The following SEPTIN9 variants were observed in gnomAD, a reference collection of about 807,000 sequenced individuals.
SEPTIN9 encodes the protein septin-9.
A neutral mutation model predicts 56.6 loss-of-function variants in SEPTIN9; 13 were observed. That is an observed-to-expected ratio of 0.23 (90% CI 0.15 to 0.37). SEPTIN9 has a LOEUF of 0.37. Ranked by LOEUF, SEPTIN9 falls within the 10% of genes least tolerant of loss-of-function variation. The probability of loss-of-function intolerance (pLI) is 1.00; values close to 1 mark genes in which losing one functional copy is unlikely to be tolerated. For synonymous variants in SEPTIN9, 332 were observed against 334.1 expected, an observed-to-expected ratio of 0.99 and a Z score of 0.07; for missense variants, 650 against 823.1, an observed-to-expected ratio of 0.79 and a Z score of 2.57.
At chr17:77,325,199 T>C (rs1359653840) in intron 2 of SEPTIN9, among the ~76,000 whole-genome samples, 1 of 152,226 alleles carries the variant, frequency 6.6e-6, no homozygotes, top group Non-Finnish European at 1.5e-5. Flanking sequence ...TGGCGCCATA[T>C]CCAAGAAATC....
Position 77,429,319 on chromosome 17 carries a change from C to T in SEPTIN9, c.721+26616C>T, listed in dbSNP as rs1173438060. 4 of 467,846 alleles carry T rather than the reference C, an allele frequency of 8.5e-6. No homozygotes were observed. The highest frequency in any genetic ancestry group is 7.0e-5 in the East Asian group (1 of 14,342). The allele number at this position is 467,846 out of a possible 1,614,324, so 29.0% of individuals were successfully genotyped here. On this transcript the variant is annotated intron_variant, in intron 3 of 11. Coordinates refer to ENST00000427177, the MANE Select transcript of SEPTIN9 (RefSeq NM_001113491.2). This position sits in a 1 kb window ranked among gnomAD's most constrained non-coding sequence, Gnocchi z 5.2. ...GCACGCAGGCCTCCTGCCCTCGCCA[C>T]GACTGGCTCCTGCAGCCCACCTGGC...
At chr17:77,395,898 T>C (rs1288475735) in intron 2 of SEPTIN9, among the ~76,000 whole-genome samples, 2 of 152,258 alleles carry the variant, frequency 1.3e-5, no homozygotes, top group Non-Finnish European at 2.9e-5. Context: ...TTAATGCTGA[T>C]GCAAATGTCC....
chr17:77,456,008 G>A lies in SEPTIN9; in HGVS notation c.722-26136G>A, dbSNP rs564761402. The stretch of plus-strand genomic sequence containing the variant: ...ACTGCCCTGGAAGATTCCCGGCACC[G>A]CTTCCCATGCGCCACGTGACTAGGA... On this transcript the variant is annotated intron_variant, in intron 3 of 11. Coordinates refer to ENST00000427177, the MANE Select transcript of SEPTIN9 (RefSeq NM_001113491.2). This position sits in a 1 kb window ranked among gnomAD's most constrained non-coding sequence, Gnocchi z 6.0. Among the ~76,000 whole-genome samples the A allele has an allele frequency of 1.3e-5, 2 of 152,180 alleles. No homozygotes were observed. The highest frequency in any genetic ancestry group is 2.4e-5 in the African/African-American group (1 of 41,442).
At chr17:77,311,296 T>C (rs2032482727) in intron 2 of SEPTIN9, among the ~76,000 whole-genome samples, 1 of 139,588 alleles carries the variant, frequency 7.2e-6, no homozygotes, top group South Asian at 2.4e-4. Context: ...ACCTCTGGCC[T>C]CCAGCATGGG....
chr17:77,417,662 G>A (rs1321744627), intron 3 of SEPTIN9, among the ~76,000 whole-genome samples: 1 of 152,210 alleles, frequency 6.6e-6, no homozygotes, highest in East Asian at 1.9e-4. Context: ...GACAAGGGCC[G>A]GTAAGTGGAA....
chr17:77,482,510 C>A (rs191901790), intron 4 of SEPTIN9, 175 bp downstream of exon 4: 2 of 742,860 alleles, frequency 2.7e-6, no homozygotes, highest in East Asian at 2.7e-5. Flanking sequence ...TGGGAGGAGC[C>A]CACAGCCTCC....
At chr17:77,440,453 C>A (rs902866294) in intron 3 of SEPTIN9, among the ~76,000 whole-genome samples, 1 of 152,216 alleles carries the variant, frequency 6.6e-6, no homozygotes, top group Admixed American at 6.5e-5. Flanking sequence ...CTGCACCTGG[C>A]TTTCGTATAT....
intron 2 of SEPTIN9, chr17:77,376,167 CA>C: frequency 1.0e-6 from 1 of 987,162 alleles, no homozygotes; most frequent in Non-Finnish European, 1.2e-6. Flanking sequence ...CAGCAGCCAG[CA>C]GCAGTGGGGG....
At chr17:77,481,044 G>A (rs888096697) in intron 3 of SEPTIN9, among the ~76,000 whole-genome samples, 3 of 152,212 alleles carry the variant, frequency 2.0e-5, no homozygotes, top group African/African-American at 4.8e-5. Flanking sequence ...TCTGAGGTGT[G>A]CTGGGACCTG....
chr17:77,363,170 G>T (rs1442746334), intron 2 of SEPTIN9, among the ~76,000 whole-genome samples: 1 of 152,210 alleles, frequency 6.6e-6, no homozygotes, highest in Non-Finnish European at 1.5e-5. Flanking sequence ...CCCACCAACA[G>T]CCGGGAGTCC....
chr17:77,308,313 T>G (rs1269002442), intron 2 of SEPTIN9, among the ~76,000 whole-genome samples: 1 of 152,214 alleles, frequency 6.6e-6, no homozygotes, highest in South Asian at 2.1e-4. Flanking sequence ...ATAGAGCGCC[T>G]GTGGACCAGG....
chr17:77,399,550 C>T (rs1483042530), intron 2 of SEPTIN9, among the ~76,000 whole-genome samples: 1 of 152,168 alleles, frequency 6.6e-6, no homozygotes, highest in African/African-American at 2.4e-5. Flanking sequence ...CTGGCATCAG[C>T]CCGATGTACA....
rs1264939402 is a variant in SEPTIN9 at position 77,499,661 on chromosome 17, T to G, written c.*1003T>G. ...CCAGGGAAGTGTGTGTGTGTCCATG[T>G]GTATGCGTGTCCGTCTGTCTGTCTA... On this transcript the variant is annotated 3_prime_UTR_variant, in exon 12 of 12. Transcript: ENST00000427177. 2.4e-6 allele frequency: 1 copy of G among 424,598 alleles called. No individual in the cohort carries two copies. The highest frequency in any genetic ancestry group is 2.0e-5 in the African/African-American group (1 of 50,358). The allele number at this position is 424,598 out of a possible 1,614,324, so 26.3% of individuals were successfully genotyped here. A position where few individuals can be genotyped will look rare whatever the true frequency, so the allele number is the denominator to read the frequency against.
intron 2 of SEPTIN9, among the ~76,000 whole-genome samples, chr17:77,350,625 G>T (rs2034027903): frequency 6.6e-6 from 1 of 151,834 alleles, no homozygotes; most frequent in Non-Finnish European, 1.5e-5. Flanking sequence ...GTGTGTGTGT[G>T]TGTGTGTGTG....
At chr17:77,489,704 T>G (rs62077401) in intron 7 of SEPTIN9, among the ~76,000 whole-genome samples, 4,366 of 152,268 alleles carry the variant, frequency 0.029, 111 homozygotes, top group Admixed American at 0.042. Context: ...GGAGCCTGGC[T>G]GGTGGGCAGC....
intron 2 of SEPTIN9, among the ~76,000 whole-genome samples, chr17:77,325,173 C>T (rs2033087197): frequency 6.6e-6 from 1 of 152,204 alleles, no homozygotes; most frequent in African/African-American, 2.4e-5. Flanking sequence ...ATTTGTTCTT[C>T]TGTTGCCTGT....
At chr17:77,422,094 A>G (rs2036726397) in intron 3 of SEPTIN9, among the ~76,000 whole-genome samples, 1 of 152,112 alleles carries the variant, frequency 6.6e-6, no homozygotes, top group Non-Finnish European at 1.5e-5. Context: ...CTGGGCTTAA[A>G]TGATCCTCCT....
chr17:77,497,674 C>T (rs2040328707), intron 11 of SEPTIN9: 2 of 502,920 alleles, frequency 4.0e-6, no homozygotes, highest in Non-Finnish European at 7.3e-6. Flanking sequence ...CCAGTGAGGC[C>T]TCATGTGCAG....
intron 3 of SEPTIN9, among the ~76,000 whole-genome samples, chr17:77,447,360 C>T (rs1296243305): frequency 6.6e-6 from 1 of 152,212 alleles, no homozygotes. Context: ...ACGTCTGCAT[C>T]GCCTCCTAGC....
Sources: allele counts gnomAD v4.1 joint callset (sites outside exome capture counted in the v4.1 genomes callset), GRCh38; gene constraint gnomAD v4.1.1; non-coding constraint Gnocchi (gnomAD v3.1); transcripts MANE v1.5; gene names NCBI Gene and HGNC (gene_info 2026-07-23, HGNC 2026-07-21).